IL13: variants seen among roughly 807,000 people sequenced by gnomAD.
The protein encoded by IL13 is interleukin-13.
Under a neutral mutation model 11.1 loss-of-function variants are expected in IL13, and 9 were observed. The ratio of observed to expected loss-of-function variants is 0.81; its 90% CI spans 0.49 to 1.42. The LOEUF (loss-of-function observed/expected upper bound fraction) is 1.42, where lower values mean the gene tolerates loss of function less well. Ranked by LOEUF, IL13 falls within the 40% of genes most tolerant of loss-of-function variation. IL13 has a pLI of 0.00. For synonymous variants in IL13, 75 were observed against 76.9 expected (o/e 0.97, Z 0.13); for missense variants, 181 against 182.5 (o/e 0.99, Z 0.05).
Position 132,660,888 on chromosome 5 carries a change from AGGCAG to A in IL13, c.*609_*613del, listed in dbSNP as rs1752144535. On this transcript the variant is annotated 3_prime_UTR_variant, in exon 4 of 4. Coordinates refer to ENST00000304506, the MANE Select transcript of IL13 (RefSeq NM_002188.3). ...TCCTGGGGCCTCGGAGCCTCATCCG[AGGCAG>A]GGTCAGGAGAGGGGCAGAACAGCCG... 6.5e-6 allele frequency: 1 copy of A among 152,938 alleles called. No individual in the cohort carries two copies. Among genetic ancestry groups the A allele is most frequent in the Non-Finnish European group, 1.5e-5 (1 of 68,292 alleles). 9.5% of individuals were successfully genotyped at this position (152,938 alleles called of 1,614,324 possible).
Position 132,659,533 on chromosome 5 carries a change from C to A in IL13, c.228+62C>A. 1 of 1,561,756 alleles carries A rather than the reference C, an allele frequency of 6.4e-7. No homozygotes were observed. The highest frequency in any genetic ancestry group is 8.8e-7 in the Non-Finnish European group (1 of 1,139,768). ...GCTCCAGGCCTTGGGCTTATCTTCTCTGAGCCTCCCTTCCATGGCTGGGGT... is the reference window on the plus strand; with the variant it reads ...GCTCCAGGCCTTGGGCTTATCTTCTATGAGCCTCCCTTCCATGGCTGGGGT... On this transcript the variant is annotated intron_variant, in intron 2 of 3. Coordinates refer to ENST00000304506, the MANE Select transcript of IL13 (RefSeq NM_002188.3). This position sits in a 1 kb window ranked among gnomAD's most constrained non-coding sequence, Gnocchi z 4.1.
upstream of IL13, chr5:132,656,690 A>G (rs1395728666): frequency 6.6e-6 from 1 of 152,412 alleles, no homozygotes; most frequent in African/African-American, 2.4e-5. Context: ...TGGGCCCTCT[A>G]CTACAGATTA....
At chr5:132,656,653 A>C (rs1752037522), upstream of IL13, 1 of 152,720 alleles carries the variant, frequency 6.5e-6, no homozygotes, top group Admixed American at 6.5e-5. Flanking sequence ...TCCTTCCCCC[A>C]TCACGGAGAC....
At chr5:132,658,564 T>G in intron 1 of IL13, 1 of 487,858 alleles carries the variant, frequency 2.0e-6, no homozygotes, top group East Asian at 3.3e-5. Flanking sequence ...TGGAGGTGTC[T>G]GGCAGACTCC....
In IL13 at chr5:132,659,212, A is replaced by G. The variant is rs1752098306; in HGVS notation, c.175-206A>G. ...TGTCAATTTTTTTCTCTCAGCTCCAAGACCCTAAACAGTGGGACCTCACCC... is the reference window on the plus strand; with the variant it reads ...TGTCAATTTTTTTCTCTCAGCTCCAGGACCCTAAACAGTGGGACCTCACCC... On this transcript the variant is annotated intron_variant, in intron 1 of 3. Transcript: ENST00000304506. This position sits in a 1 kb window ranked among gnomAD's most constrained non-coding sequence, Gnocchi z 4.1. The G allele has an allele frequency of 1.1e-5, 6 of 570,570 alleles. No homozygotes were observed. The highest frequency in any genetic ancestry group is 8.1e-5 in the South Asian group (4 of 49,420). 35.3% of individuals were successfully genotyped at this position (570,570 alleles called of 1,614,324 possible).
At chr5:132,656,572 A>G (rs967113853), upstream of IL13, 3 of 152,310 alleles carry the variant, frequency 2.0e-5, no homozygotes, top group Non-Finnish European at 4.4e-5. Flanking sequence ...TTTGGTGGCC[A>G]TGGGGGATAA....
upstream of IL13, among the ~76,000 whole-genome samples, chr5:132,657,526 A>G (rs972608902): frequency 6.6e-6 from 1 of 152,090 alleles, no homozygotes; most frequent in African/African-American, 2.4e-5. Context: ...AAAAACACCA[A>G]AAAAGCTCCC....
At position 132,658,315 on chromosome 5, in the gene IL13, C is replaced by T. The variant is rs202011628; in HGVS notation, c.129C>T (p.Leu43=). ...GCCCTGTGCCTCCCTCTACAGCCCT[C>T]AGGGAGCTCATTGAGGAGCTGGTCA... ...SPGPVPPSTA[L]RELIEELVNI... Residue 43 remains leucine, a synonymous_variant, in exon 1 of 4, where the codon CTC becomes CTT. Transcript: ENST00000304506. The T allele has an allele frequency of 8.1e-6, 13 of 1,611,450 alleles. No individual in the cohort carries two copies. Among genetic ancestry groups the T allele is most frequent in the Non-Finnish European group, 1.1e-5 (13 of 1,177,634 alleles).
chr5:132,658,602 G>T, intron 1 of IL13: 1 of 432,828 alleles, frequency 2.3e-6, no homozygotes, highest in Non-Finnish European at 4.1e-6. Context: ...TCCTGGCCTG[G>T]CCTTGTCTGC....
In IL13 at chr5:132,659,753, C is replaced by T. The variant is rs201716976; in HGVS notation, c.258C>T (p.Asn86=). The change falls in exon 3 of 4, where the codon AAC becomes AAT. Residue 86 remains asparagine (N), a synonymous_variant. Coordinates refer to ENST00000304506, the MANE Select transcript of IL13 (RefSeq NM_002188.3). The surrounding 1 kb of genome is among the most constrained non-coding windows in gnomAD (Gnocchi z 4.1). ...MYCAALESLI[N]VSGCSAIEKT... ...GTGCAGCCCTGGAATCCCTGATCAA[C>T]GTGTCAGGCTGCAGTGCCATCGAGA... 7 of 1,613,878 alleles carry T rather than the reference C, an allele frequency of 4.3e-6. No homozygotes were observed. Among genetic ancestry groups the T allele is most frequent in the South Asian group, 3.3e-5 (3 of 91,080 alleles).
Position 132,659,601 on chromosome 5 carries a change from T to C in IL13, c.229-123T>C. The C allele has an allele frequency of 6.3e-7, 1 of 1,589,610 alleles. No individual in the cohort carries two copies. The highest frequency in any genetic ancestry group is 8.6e-7 in the Non-Finnish European group (1 of 1,163,358). On this transcript the variant is annotated intron_variant, in intron 2 of 3. Coordinates refer to ENST00000304506, the MANE Select transcript of IL13 (RefSeq NM_002188.3). This position sits in a 1 kb window ranked among gnomAD's most constrained non-coding sequence, Gnocchi z 4.1. Reference sequence around the variant, plus strand: ...TGCTCTCCTCCCTCCCGCCATAATCTGGCCCCTTCCCGCCCACCACCCAGA... The same window carrying C: ...TGCTCTCCTCCCTCCCGCCATAATCCGGCCCCTTCCCGCCCACCACCCAGA...
chr5:132,657,577 C>A (rs565778458), upstream of IL13, among the ~76,000 whole-genome samples: 1 of 152,224 alleles, frequency 6.6e-6, no homozygotes, highest in East Asian at 1.9e-4. Context: ...CAGTGGAGAC[C>A]TGGAAATCTG....
Position 132,660,947 on chromosome 5 carries a change from T to G in IL13, c.*665T>G, listed in dbSNP as rs1236546650. On this transcript the variant is annotated 3_prime_UTR_variant, in exon 4 of 4. Coordinates refer to ENST00000304506, the MANE Select transcript of IL13 (RefSeq NM_002188.3). The stretch of plus-strand genomic sequence containing the variant: ...CTGTCTGCCAGCCAGCAGCCAGCTC[T>G]CAGCCAACGAGTAATTTATTGTTTT... 2 of 152,606 alleles carry G rather than the reference T, an allele frequency of 1.3e-5. No individual in the cohort carries two copies. Among genetic ancestry groups the G allele is most frequent in the African/African-American group, 4.8e-5 (2 of 41,428 alleles). The allele number at this position is 152,606 out of a possible 1,614,324, so 9.5% of individuals were successfully genotyped here.
chr5:132,660,075 C>T (rs1044563461), intron 3 of IL13, 100 bp from the exon 4 acceptor site: 17 of 1,330,060 alleles, frequency 1.3e-5, no homozygotes, highest in Non-Finnish European at 1.7e-5. Context: ...TGGGGACTTC[C>T]GTGAGGACTG....
At chr5:132,657,702 A>G (rs1752065438), upstream of IL13, among the ~76,000 whole-genome samples, 1 of 152,208 alleles carries the variant, frequency 6.6e-6, no homozygotes. Flanking sequence ...GTGTTACTTA[A>G]GTAATTTAAG....
rs201923060 is a variant in IL13 at position 132,659,508 on chromosome 5, G to A, written c.228+37G>A. 7.4e-5 allele frequency: 118 copies of A among 1,589,358 alleles called. 1 individual carries two copies. The highest frequency in any genetic ancestry group is 6.7e-5 in the Non-Finnish European group (78 of 1,160,098). On this transcript the variant is annotated intron_variant, in intron 2 of 3. Coordinates refer to ENST00000304506, the MANE Select transcript of IL13 (RefSeq NM_002188.3). This position sits in a 1 kb window ranked among gnomAD's most constrained non-coding sequence, Gnocchi z 4.1. The stretch of plus-strand genomic sequence containing the variant: ...TGGGTGCAGGGAGGATGGGGCAGAG[G>A]CTCCAGGCCTTGGGCTTATCTTCTC...
At position 132,659,650 on chromosome 5, in the gene IL13, C is replaced by A; in HGVS notation, c.229-74C>A. 6.2e-7 allele frequency: 1 copy of A among 1,600,228 alleles called. No homozygotes were observed. The highest frequency in any genetic ancestry group is 8.5e-7 in the Non-Finnish European group (1 of 1,170,806). On this transcript the variant is annotated intron_variant, in intron 2 of 3. Transcript: ENST00000304506. This position sits in a 1 kb window ranked among gnomAD's most constrained non-coding sequence, Gnocchi z 4.1. Reference sequence around the variant, plus strand: ...GACTCACCTGCGCCAGGCATCTCAGCCCCATCTTCCTGCAGACTCACAAAA... The same window carrying A: ...GACTCACCTGCGCCAGGCATCTCAGACCCATCTTCCTGCAGACTCACAAAA...
chr5:132,658,882 CA>C (rs1384638852), intron 1 of IL13: 1 of 172,202 alleles, frequency 5.8e-6, no homozygotes. Context: ...CCAGCCACCT[CA>C]AGAGGCAGGT....
chr5:132,656,717 A>C (rs1881457), upstream of IL13: 31,516 of 151,468 alleles, frequency 0.21, 3,331 homozygotes, highest in Middle Eastern at 0.26. Flanking sequence ...AGGCCCGTAG[A>C]GGGGTCACAC....
Sources: allele counts gnomAD v4.1 joint callset (sites outside exome capture counted in the v4.1 genomes callset), GRCh38; gene constraint gnomAD v4.1.1; non-coding constraint Gnocchi (gnomAD v3.1); transcripts MANE v1.5; gene names NCBI Gene and HGNC (gene_info 2026-07-23, HGNC 2026-07-21).